Variants in ST6GALNAC3 observed in about 807,000 individuals in gnomAD.
ST6GALNAC3 encodes the protein alpha-N-acetylgalactosaminide alpha-2,6-sialyltransferase 3.
In ST6GALNAC3, 25 loss-of-function variants were observed where a neutral mutation model predicts 32.7. The observed-to-expected ratio is 0.76, with a 90% confidence interval of 0.56 to 1.07. The LOEUF is 1.07. Among genes scored for constraint, ST6GALNAC3 ranks in the 50% least tolerant of loss-of-function variants. The pLI is 0.00. For synonymous variants in ST6GALNAC3, 129 were observed against 133.1 expected, an observed-to-expected ratio of 0.97 and a Z score of 0.21; for missense variants, 355 against 382.4, an observed-to-expected ratio of 0.93 and a Z score of 0.60.
intron 3 of ST6GALNAC3, among the ~76,000 whole-genome samples, chr1:76,530,185 T>C (rs2101818357): frequency 6.6e-6 from 1 of 152,304 alleles, no homozygotes. Flanking sequence ...TTTTGCCTTA[T>C]TTGCTCAGCA....
At chr1:76,590,608 T>A (rs1647032636) in intron 3 of ST6GALNAC3, among the ~76,000 whole-genome samples, 1 of 152,242 alleles carries the variant, frequency 6.6e-6, no homozygotes, top group African/African-American at 2.4e-5. Context: ...CTCATTTTTT[T>A]AAACCCATAT....
chr1:76,265,555 C>T (rs1658481492), intron 1 of ST6GALNAC3, among the ~76,000 whole-genome samples: 2 of 152,112 alleles, frequency 1.3e-5, no homozygotes, highest in African/African-American at 4.8e-5. Context: ...CCCCTCAGCT[C>T]TTTATTACAA....
At chr1:76,463,343 C>G (rs1658410215) in intron 3 of ST6GALNAC3, among the ~76,000 whole-genome samples, 1 of 152,112 alleles carries the variant, frequency 6.6e-6, no homozygotes, top group African/African-American at 2.4e-5. Flanking sequence ...TGTGAAGGAG[C>G]CAGACTTTGC....
chr1:76,324,202 C>G (rs1647024973), intron 2 of ST6GALNAC3, among the ~76,000 whole-genome samples: 1 of 152,172 alleles, frequency 6.6e-6, no homozygotes, highest in Admixed American at 6.5e-5. Flanking sequence ...CACTCTAGAA[C>G]TTTCACTATC....
intron 1 of ST6GALNAC3, among the ~76,000 whole-genome samples, chr1:76,179,772 A>C: frequency 6.6e-6 from 1 of 151,956 alleles, no homozygotes. Context: ...TCTGGCCATA[A>C]TTTCCTCCTT....
intron 1 of ST6GALNAC3, among the ~76,000 whole-genome samples, chr1:76,125,262 C>T (rs1290697066): frequency 6.6e-6 from 1 of 152,040 alleles, no homozygotes; most frequent in African/African-American, 2.4e-5. Flanking sequence ...GGGATTTTTC[C>T]CTCACCCCCT....
At chr1:76,456,029 A>G (rs1227009551) in intron 3 of ST6GALNAC3, among the ~76,000 whole-genome samples, 1 of 152,140 alleles carries the variant, frequency 6.6e-6, no homozygotes, top group Non-Finnish European at 1.5e-5. Context: ...TACCAAAAAT[A>G]CAGAAGTTAT....
chr1:76,488,171 G>T (rs571583805), intron 3 of ST6GALNAC3, among the ~76,000 whole-genome samples: 25 of 152,272 alleles, frequency 1.6e-4, no homozygotes, highest in African/African-American at 6.0e-4. Context: ...GGATGATAAA[G>T]ACTGATCCTT....
chr1:76,413,688 G>A (rs930273523), intron 3 of ST6GALNAC3, among the ~76,000 whole-genome samples: 1 of 152,040 alleles, frequency 6.6e-6, no homozygotes, highest in African/African-American at 2.4e-5. Flanking sequence ...CTAGTTCCTC[G>A]GACTGTATGA....
chr1:76,220,709 C>T (rs1472698696), intron 1 of ST6GALNAC3, among the ~76,000 whole-genome samples: 14 of 152,146 alleles, frequency 9.2e-5, no homozygotes, highest in Non-Finnish European at 1.5e-4. Flanking sequence ...CCTGGTGGAG[C>T]TGTTGGGGCA....
intron 3 of ST6GALNAC3, among the ~76,000 whole-genome samples, chr1:76,493,956 T>A (rs1660651935): frequency 6.6e-6 from 1 of 152,108 alleles, no homozygotes; most frequent in Non-Finnish European, 1.5e-5. Context: ...TCATCAGAGC[T>A]CCTTTCTTAT....
chr1:76,191,928 A>C (rs560501856), intron 1 of ST6GALNAC3, among the ~76,000 whole-genome samples: 2 of 152,144 alleles, frequency 1.3e-5, no homozygotes, highest in African/African-American at 2.4e-5. Context: ...TTTTGAGCAT[A>C]AAGGGGCAGA....
At chr1:76,605,583 G>A (rs1557619633) in intron 3 of ST6GALNAC3, among the ~76,000 whole-genome samples, 1 of 151,844 alleles carries the variant, frequency 6.6e-6, no homozygotes, top group Non-Finnish European at 1.5e-5. Flanking sequence ...GTGAGCAAAG[G>A]GCTGGGCACA....
At chr1:76,524,147 A>G (rs1662722761) in intron 3 of ST6GALNAC3, among the ~76,000 whole-genome samples, 1 of 152,200 alleles carries the variant, frequency 6.6e-6, no homozygotes, top group Middle Eastern at 3.2e-3. Context: ...CATGCAACAA[A>G]AAGCCTGCCA....
chr1:76,582,573 G>A (rs1275940936), intron 3 of ST6GALNAC3, among the ~76,000 whole-genome samples: 1 of 152,124 alleles, frequency 6.6e-6, no homozygotes, highest in African/African-American at 2.4e-5. Context: ...ACCACTCAAT[G>A]CATAAATCCC....
At chr1:76,224,559 T>C (rs188011072) in intron 1 of ST6GALNAC3, among the ~76,000 whole-genome samples, 2 of 152,344 alleles carry the variant, frequency 1.3e-5, no homozygotes, top group East Asian at 3.9e-4. Context: ...CAGTCTCCTA[T>C]GTTAAATAAT....
intron 1 of ST6GALNAC3, among the ~76,000 whole-genome samples, chr1:76,216,728 AACTTTACTGCAGTGT>A (rs1655486826): frequency 1.3e-5 from 2 of 152,200 alleles, no homozygotes; most frequent in South Asian, 4.1e-4. Context: ...GGAAATCCAA[AACTTTACTGCAGTGT>A]AATTTGTTTC....
intron 1 of ST6GALNAC3, among the ~76,000 whole-genome samples, chr1:76,194,962 A>G (rs1016862459): frequency 6.6e-6 from 1 of 152,228 alleles, no homozygotes; most frequent in African/African-American, 2.4e-5. Flanking sequence ...TGAAAATATC[A>G]GTTCACTGAG....
rs996464953 is a variant in ST6GALNAC3, at chr1:76,107,788, G to T, written c.18+32904G>T. ...GAGAAGAATGGAAGCTTCTATGGCA[G>T]ATCTACATTCTTTTTTCTGTCCTCT... On this transcript the variant is annotated intron_variant, in intron 1 of 4. Coordinates refer to ENST00000328299, the MANE Select transcript of ST6GALNAC3 (RefSeq NM_152996.4). Among the ~76,000 whole-genome samples the T allele has an allele frequency of 2.6e-5, 4 of 152,132 alleles. 1 individual carries two copies. The highest frequency in any genetic ancestry group is 9.7e-5 in the African/African-American group (4 of 41,424).
Sources: allele counts gnomAD v4.1 joint callset (sites outside exome capture counted in the v4.1 genomes callset), GRCh38; gene constraint gnomAD v4.1.1; transcripts MANE v1.5; gene names NCBI Gene and HGNC (gene_info 2026-07-23, HGNC 2026-07-21).